Variants in COX10 observed in about 807,000 individuals in gnomAD.
The protein encoded by COX10 is cytochrome c oxidase assembly factor heme A:farnesyltransferase COX10.
In COX10, 27 loss-of-function variants were observed where a neutral mutation model predicts 37.3. That is an observed-to-expected ratio of 0.72 (90% CI 0.53 to 1.00). COX10 has a LOEUF of 1.00. Ranked by LOEUF, COX10 falls within the 50% of genes least tolerant of loss-of-function variation. The pLI is 0.00. For missense variants in COX10, 475 were observed against 563.2 expected (o/e 0.84, Z 1.59); for synonymous variants, 222 against 229.1 (o/e 0.97, Z 0.28).
intron 5 of COX10, among the ~76,000 whole-genome samples, chr17:14,169,936 T>C (rs1217406013): frequency 6.6e-6 from 1 of 152,200 alleles, no homozygotes; most frequent in Non-Finnish European, 1.5e-5. Context: ...TCATTCCTGC[T>C]CTCAGGAGAC....
At position 14,176,251 on chromosome 17, in the gene COX10, T is replaced by C. The variant is rs1905684793; in HGVS notation, c.696-15738T>C. ...ATGTGTATCTTCACCTTTGTTACAGTGCTATAGCTCTGTCTACCTGTAATT... is the reference window on the plus strand; with the variant it reads ...ATGTGTATCTTCACCTTTGTTACAGCGCTATAGCTCTGTCTACCTGTAATT... On this transcript the variant is annotated intron_variant, in intron 5 of 6. Transcript: ENST00000261643. Among the ~76,000 whole-genome samples, 3 of 152,056 alleles carry C rather than the reference T, an allele frequency of 2.0e-5. No individual in the cohort carries two copies. In the South Asian group the frequency reaches 6.3e-4, roughly 32 times the overall value.
intron 3 of COX10, among the ~76,000 whole-genome samples, chr17:14,078,620 G>C (rs1387801637): frequency 6.6e-6 from 1 of 152,134 alleles, no homozygotes; most frequent in Non-Finnish European, 1.5e-5. Context: ...GGAAACACGG[G>C]AGGCTGTTGG....
chr17:14,170,257 C>T lies in COX10; in HGVS notation c.695+10310C>T, dbSNP rs371094535. On this transcript the variant is annotated intron_variant, in intron 5 of 6. Coordinates refer to ENST00000261643, the MANE Select transcript of COX10 (RefSeq NM_001303.4). ...AGTTGAATCTGCAAACTCAGTCATGCAATGAAGGTAAATGTCAGAGAAGTT... is the reference window on the plus strand; with the variant it reads ...AGTTGAATCTGCAAACTCAGTCATGTAATGAAGGTAAATGTCAGAGAAGTT... Among the ~76,000 whole-genome samples, 62 of 152,180 alleles carry T rather than the reference C, an allele frequency of 4.1e-4. No homozygotes were observed. The South Asian group carries it at 7.9e-3, about 19-fold the overall frequency.
intron 4 of COX10, among the ~76,000 whole-genome samples, chr17:14,128,435 A>G (rs1916392031): frequency 6.6e-6 from 1 of 152,196 alleles, no homozygotes; most frequent in Admixed American, 6.5e-5. Flanking sequence ...TTATGACTTA[A>G]TTATATTACC....
At chr17:14,188,900 CA>C (rs1906118006) in intron 5 of COX10, among the ~76,000 whole-genome samples, 2 of 145,152 alleles carry the variant, frequency 1.4e-5, no homozygotes, top group African/African-American at 2.5e-5. Context: ...GGAAAGGAAT[CA>C]AGCAAAATGC....
rs1023916364 is a variant in COX10, at chr17:14,069,522, C to T, written c.-84C>T. ...GCCCGGAACTACTCCCACAGGGGGGCGGGGAAGGAAGATGGCGGCGCCCAG... is the reference window on the plus strand; with the variant it reads ...GCCCGGAACTACTCCCACAGGGGGGTGGGGAAGGAAGATGGCGGCGCCCAG... On this transcript the variant is annotated 5_prime_UTR_variant, in exon 1 of 7. Transcript: ENST00000261643. 1 of 1,528,088 alleles carries T rather than the reference C, an allele frequency of 6.5e-7. No homozygotes were observed. The highest frequency in any genetic ancestry group is 9.0e-7 in the Non-Finnish European group (1 of 1,108,762). The allele number at this position is 1,528,088 out of a possible 1,614,324, so 94.7% of individuals were successfully genotyped here.
At chr17:14,134,492 G>C (rs893546893) in intron 4 of COX10, among the ~76,000 whole-genome samples, 1 of 151,770 alleles carries the variant, frequency 6.6e-6, no homozygotes, top group Admixed American at 6.6e-5. Context: ...GCCTTTGTCA[G>C]ATAGTGTTTC....
At position 14,149,545 on chromosome 17, in the gene COX10, C is replaced by A. The variant is rs368709281; in HGVS notation, c.625-10332C>A. 1.5e-4 allele frequency among the ~76,000 whole-genome samples: 23 copies of A among 152,246 alleles called. No individual in the cohort carries two copies. In the East Asian group the frequency reaches 2.3e-3, roughly 15 times the overall value. On this transcript the variant is annotated intron_variant, in intron 4 of 6. Coordinates refer to ENST00000261643, the MANE Select transcript of COX10 (RefSeq NM_001303.4). Reference sequence around the variant, plus strand: ...TGCTCACAGGATAGTCACCTCATTCCTTGGCCATGATGATTCATGGCCGTG... The same window carrying A: ...TGCTCACAGGATAGTCACCTCATTCATTGGCCATGATGATTCATGGCCGTG...
At chr17:14,096,211 A>C (rs1008569) in intron 3 of COX10, among the ~76,000 whole-genome samples, 132,082 of 151,932 alleles carry the variant, frequency 0.87, 57,510 homozygotes, top group East Asian at 0.98. Flanking sequence ...GGGCTGGGCC[A>C]CCATGACCCA....
At chr17:14,134,737 G>GT in intron 4 of COX10, among the ~76,000 whole-genome samples, 1 of 150,246 alleles carries the variant, frequency 6.7e-6, no homozygotes. Flanking sequence ...TAAGGTAGTA[G>GT]TTTTTTGACT....
At chr17:14,101,100 G>C (rs184396814) in intron 3 of COX10, among the ~76,000 whole-genome samples, 1 of 152,178 alleles carries the variant, frequency 6.6e-6, no homozygotes, top group Non-Finnish European at 1.5e-5. Context: ...TTGAAACATA[G>C]TGTAGAGATA....
intron 4 of COX10, among the ~76,000 whole-genome samples, chr17:14,134,975 G>A (rs1406990881): frequency 6.6e-6 from 1 of 151,480 alleles, no homozygotes; most frequent in Non-Finnish European, 1.5e-5. Context: ...CTGTCTAAAT[G>A]GCCAAAGCAT....
intron 6 of COX10, among the ~76,000 whole-genome samples, chr17:14,206,182 G>A (rs1906692856): frequency 6.6e-6 from 1 of 152,112 alleles, no homozygotes; most frequent in African/African-American, 2.4e-5. Flanking sequence ...CCCGCCTGCA[G>A]GTACATCCGG....
At chr17:14,087,480 A>G (rs1915435533) in intron 3 of COX10, among the ~76,000 whole-genome samples, 2 of 152,266 alleles carry the variant, frequency 1.3e-5, no homozygotes, top group South Asian at 4.2e-4. Context: ...AGTGCCTGGC[A>G]CGTAGTAAGC....
intron 4 of COX10, among the ~76,000 whole-genome samples, chr17:14,124,753 T>A (rs138448555): frequency 1.7e-3 from 258 of 152,206 alleles, no homozygotes; most frequent in Non-Finnish European, 3.0e-3. Context: ...CATTTCTTTA[T>A]CTATCATAAT....
chr17:14,074,704 T>C (rs548701564), intron 2 of COX10, among the ~76,000 whole-genome samples: 78 of 152,332 alleles, frequency 5.1e-4, no homozygotes, highest in African/African-American at 1.8e-3. Flanking sequence ...GACTGAAAAC[T>C]TGTGGCATAT....
At chr17:14,188,250 C>T (rs890895106) in intron 5 of COX10, among the ~76,000 whole-genome samples, 14 of 148,310 alleles carry the variant, frequency 9.4e-5, no homozygotes, top group Non-Finnish European at 1.5e-4. Flanking sequence ...TATAAATTAC[C>T]TTATTGGAAG....
At chr17:14,148,697 C>A (rs1904801902) in intron 4 of COX10, among the ~76,000 whole-genome samples, 2 of 152,100 alleles carry the variant, frequency 1.3e-5, no homozygotes, top group Non-Finnish European at 2.9e-5. Flanking sequence ...CTCTAGAATA[C>A]ATCTGCCTTT....
intron 4 of COX10, among the ~76,000 whole-genome samples, chr17:14,137,956 T>G (rs929101666): frequency 1.1e-4 from 17 of 151,294 alleles, no homozygotes; most frequent in Admixed American, 4.0e-4. Context: ...TTCAGTTTTT[T>G]TTTTTTTTTT....
Sources: allele counts gnomAD v4.1 joint callset (sites outside exome capture counted in the v4.1 genomes callset), GRCh38; gene constraint gnomAD v4.1.1; transcripts MANE v1.5; gene names NCBI Gene and HGNC (gene_info 2026-07-23, HGNC 2026-07-21).